Variants in CPNE5 observed in about 807,000 individuals in gnomAD.
The protein encoded by CPNE5 is copine-5.
Under a neutral mutation model 81.1 loss-of-function variants are expected in CPNE5, and 42 were observed. That is an observed-to-expected ratio of 0.52 (90% CI 0.40 to 0.67). The LOEUF is 0.67. Among genes scored for constraint, CPNE5 ranks in the 30% least tolerant of loss-of-function variants. CPNE5 has a pLI of 0.00. For missense variants in CPNE5, 612 were observed against 815.5 expected, an observed-to-expected ratio of 0.75 and a Z score of 3.04; for synonymous variants, 313 against 321.5, an observed-to-expected ratio of 0.97 and a Z score of 0.28.
chr6:36,744,368 G>T, intron 18 of CPNE5, 43 bp from the exon 19 acceptor site: 3 of 1,499,668 alleles, frequency 2.0e-6, no homozygotes, highest in Non-Finnish European at 2.7e-6. Context: ...GGACCCAATT[G>T]GGACCCAGTT....
chr6:36,744,296 GATA>G lies in CPNE5; in HGVS notation c.1458_1460del (p.Ile487del). On this transcript the variant is annotated inframe_deletion, in exon 19 of 21. Coordinates refer to ENST00000244751, the MANE Select transcript of CPNE5 (RefSeq NM_020939.2). ...CGAACTCTGCCTGGCCCACGCCGACGATAATGATGGACATGGGGAGCTTGGCAG... is the reference window on the plus strand; with the variant it reads ...CGAACTCTGCCTGGCCCACGCCGACGATGATGGACATGGGGAGCTTGGCAG... 1 of 1,584,090 alleles carries G rather than the reference GATA, an allele frequency of 6.3e-7. No homozygotes were observed. The highest frequency in any genetic ancestry group is 8.6e-7 in the Non-Finnish European group (1 of 1,165,848).
At chr6:36,749,077 C>T (rs1764509880) in intron 14 of CPNE5, among the ~76,000 whole-genome samples, 1 of 151,986 alleles carries the variant, frequency 6.6e-6, no homozygotes, top group Non-Finnish European at 1.5e-5. Flanking sequence ...GCTGGGACCA[C>T]AGGCACGCAC....
intron 8 of CPNE5, among the ~76,000 whole-genome samples, chr6:36,782,155 C>T (rs962476092): frequency 6.6e-6 from 1 of 152,126 alleles, no homozygotes; most frequent in Non-Finnish European, 1.5e-5. Flanking sequence ...CAGGATCCCC[C>T]CAGCCTTCCC....
Position 36,748,281 on chromosome 6 carries a change from A to G in CPNE5, c.972-14T>C, listed in dbSNP as rs1261454650. ...TTGATCTGGGTCCTAGAAGAGGGAGAACAGCAGGGGAGTCACCTGGAGGGA... is the reference window on the plus strand; with the variant it reads ...TTGATCTGGGTCCTAGAAGAGGGAGGACAGCAGGGGAGTCACCTGGAGGGA... On this transcript the variant is annotated splice_polypyrimidine_tract_variant and intron_variant, in intron 14 of 20. Transcript: ENST00000244751. 6.2e-7 allele frequency: 1 copy of G among 1,613,902 alleles called. No homozygotes were observed. The highest frequency in any genetic ancestry group is 8.5e-7 in the Non-Finnish European group (1 of 1,179,846).
intron 3 of CPNE5, among the ~76,000 whole-genome samples, chr6:36,816,600 T>C (rs542902270): frequency 6.6e-6 from 1 of 152,322 alleles, no homozygotes; most frequent in Admixed American, 6.5e-5. Context: ...GGCAATGAAC[T>C]AGATGGAGGA....
intron 1 of CPNE5, among the ~76,000 whole-genome samples, chr6:36,829,274 T>G (rs1425873339): frequency 6.6e-6 from 1 of 151,964 alleles, no homozygotes; most frequent in African/African-American, 2.4e-5. Flanking sequence ...GGCAGGAGGA[T>G]CACTTGAGGC....
chr6:36,772,576 C>T (rs981793636), intron 10 of CPNE5, among the ~76,000 whole-genome samples: 1 of 152,236 alleles, frequency 6.6e-6, no homozygotes, highest in East Asian at 1.9e-4. Flanking sequence ...CGACCCTGTT[C>T]GTTTAAATCC....
Position 36,746,035 on chromosome 6 carries a change from CACGTCA to C in CPNE5, c.1200+355_1200+360del, listed in dbSNP as rs1432320017. On this transcript the variant is annotated intron_variant, in intron 16 of 20. Coordinates refer to ENST00000244751, the MANE Select transcript of CPNE5 (RefSeq NM_020939.2). The surrounding 1 kb of genome is among the most constrained non-coding windows in gnomAD (Gnocchi z 4.5). ...CATGCTCCACATCACCCTGGAGATCCACGTCATCCCATCTCAGCACTGACTCAGGGA... is the reference window on the plus strand; with the variant it reads ...CATGCTCCACATCACCCTGGAGATCCTCCCATCTCAGCACTGACTCAGGGA... 185 of 331,048 alleles carry C rather than the reference CACGTCA, an allele frequency of 5.6e-4. 1 individual carries two copies. The highest frequency in any genetic ancestry group is 3.8e-3 in the African/African-American group (169 of 44,730). 20.5% of individuals were successfully genotyped at this position (331,048 alleles called of 1,614,324 possible).
intron 8 of CPNE5, among the ~76,000 whole-genome samples, chr6:36,780,438 T>G (rs1767943471): frequency 6.6e-6 from 1 of 152,214 alleles, no homozygotes; most frequent in Non-Finnish European, 1.5e-5. Context: ...GGCTGCCTAC[T>G]TCAGTCCCAA....
intron 14 of CPNE5, among the ~76,000 whole-genome samples, chr6:36,750,251 T>C (rs1254128004): frequency 2.6e-5 from 4 of 152,132 alleles, no homozygotes; most frequent in African/African-American, 7.2e-5. Context: ...AAACCACAGC[T>C]CTATCAGCCC....
chr6:36,757,604 C>T (rs1765608753), intron 12 of CPNE5, among the ~76,000 whole-genome samples: 1 of 152,112 alleles, frequency 6.6e-6, no homozygotes. Flanking sequence ...ACATATATTG[C>T]TTCTCCCCTG....
chr6:36,782,156 C>T lies in CPNE5; in HGVS notation c.529-3199G>A, dbSNP rs9462219. Among the ~76,000 whole-genome samples the T allele has an allele frequency of 6.3e-3, 961 of 152,290 alleles. 7 individuals carry two copies. The highest frequency in any genetic ancestry group is 0.022 in the African/African-American group (903 of 41,552). On this transcript the variant is annotated intron_variant, in intron 8 of 20. Transcript: ENST00000244751. ...GACAGTGAGAAAGCCAGGATCCCCC[C>T]AGCCTTCCCAGCCCTGGCCAGGGTT...
intron 3 of CPNE5, among the ~76,000 whole-genome samples, chr6:36,801,172 A>G (rs1770069722): frequency 6.6e-6 from 1 of 152,218 alleles, no homozygotes; most frequent in Non-Finnish European, 1.5e-5. Context: ...TTTATACATA[A>G]TAGGCAGTCA....
intron 4 of CPNE5, among the ~76,000 whole-genome samples, chr6:36,799,511 G>A (rs905776585): frequency 7.9e-5 from 12 of 152,126 alleles, no homozygotes; most frequent in African/African-American, 1.2e-4. Flanking sequence ...CTCATGTTCC[G>A]ACGGATGCTG....
rs77181481 is a variant in CPNE5 at position 36,805,664 on chromosome 6, G to T, written c.184-5594C>A. Among the ~76,000 whole-genome samples the T allele has an allele frequency of 9.4e-3, 1,436 of 152,198 alleles. 23 individuals carry two copies. Among genetic ancestry groups the T allele is most frequent in the African/African-American group, 0.03 (1,258 of 41,524 alleles). ...CTCCCTGGGCCCCAGGGCTGGGACGGTCTCCTACTGGGCAGAAGGAAAGAA... is the reference window on the plus strand; with the variant it reads ...CTCCCTGGGCCCCAGGGCTGGGACGTTCTCCTACTGGGCAGAAGGAAAGAA... On this transcript the variant is annotated intron_variant, in intron 3 of 20. Coordinates refer to ENST00000244751, the MANE Select transcript of CPNE5 (RefSeq NM_020939.2).
In CPNE5 at chr6:36,746,503, C is replaced by T. The variant is rs1488824382; in HGVS notation, c.1093G>A (p.Ala365Thr). The T allele has an allele frequency of 6.2e-7, 1 of 1,613,664 alleles. No homozygotes were observed. Among genetic ancestry groups the T allele is most frequent in the Non-Finnish European group, 8.5e-7 (1 of 1,179,788 alleles). Residue 365 changes from alanine (A) to threonine (T), a missense_variant, in exon 16 of 21, where the codon GCC (alanine) becomes ACC (threonine). Transcript: ENST00000244751. This position sits in a 1 kb window ranked among gnomAD's most constrained non-coding sequence, Gnocchi z 4.5. ...TAGTGCTGGATGATCTCTCCGACGG[C>T]AGTCAGCGCCAGCGCGTAGGCGTTC... ...QLNAYALALTAVGEIIQHYDS... is the reference protein window; with the variant it reads ...QLNAYALALTTVGEIIQHYDS...
rs140318956 is a variant in CPNE5, at chr6:36,775,612, G to A, written c.633-547C>T. On this transcript the variant is annotated intron_variant, in intron 9 of 20. Transcript: ENST00000244751. ...GACTCACTCCTCACTACCTTCAAAC[G>A]CCATCTCCACGAAACCTCCCCTGAC... 6.8e-4 allele frequency among the ~76,000 whole-genome samples: 103 copies of A among 152,090 alleles called. 3 individuals carry two copies. The East Asian group carries it at 0.017, about 25-fold the overall frequency.
chr6:36,783,760 C>T (rs1768271183), intron 8 of CPNE5, among the ~76,000 whole-genome samples: 1 of 152,112 alleles, frequency 6.6e-6, no homozygotes, highest in Non-Finnish European at 1.5e-5. Flanking sequence ...GCGATCTGCC[C>T]ACTTCAGCCT....
chr6:36,827,530 CA>C, intron 1 of CPNE5: 1 of 985,410 alleles, frequency 1.0e-6, no homozygotes, highest in Non-Finnish European at 1.2e-6. Context: ...GGCAGCCGTC[CA>C]AATACCACAT....
Sources: allele counts gnomAD v4.1 joint callset (sites outside exome capture counted in the v4.1 genomes callset), GRCh38; gene constraint gnomAD v4.1.1; non-coding constraint Gnocchi (gnomAD v3.1); transcripts MANE v1.5; gene names NCBI Gene and HGNC (gene_info 2026-07-23, HGNC 2026-07-21).